KCTD3: variants seen among roughly 807,000 people sequenced by gnomAD.
The protein encoded by KCTD3 is potassium channel tetramerization domain containing 3.
Under a neutral mutation model 85.8 loss-of-function variants are expected in KCTD3, and 41 were observed. The observed-to-expected ratio is 0.48, with a 90% CI of 0.37 to 0.62. The LOEUF is 0.62. Among genes scored for constraint, KCTD3 ranks in the 20% least tolerant of loss-of-function variants. The probability of loss-of-function intolerance (pLI) is 0.00; values close to 1 mark genes in which losing one functional copy is unlikely to be tolerated. For synonymous variants in KCTD3, 338 were observed against 345.4 expected (o/e 0.98, Z 0.24); for missense variants, 724 against 989.9 (o/e 0.73, Z 3.60).
intron 12 of KCTD3, among the ~76,000 whole-genome samples, chr1:215,602,563 AG>A (rs1352765822): frequency 5.9e-5 from 9 of 152,108 alleles, no homozygotes; most frequent in African/African-American, 2.2e-4. Context: ...AAAAATAAAA[AG>A]TTCTTAGACT....
intron 12 of KCTD3, among the ~76,000 whole-genome samples, chr1:215,603,650 C>T (rs796171902): frequency 9.9e-5 from 15 of 152,124 alleles, no homozygotes; most frequent in African/African-American, 3.6e-4. Flanking sequence ...TAATTCTAGG[C>T]TAGACATAAT....
chr1:215,578,186 A>G (rs1284360334), intron 6 of KCTD3, 105 bp downstream of exon 6: 2 of 859,234 alleles, frequency 2.3e-6, no homozygotes, highest in Admixed American at 4.7e-5. Flanking sequence ...TTTTTTGTCT[A>G]TAAATCTATT....
Position 215,618,925 on chromosome 1 carries a change from C to G in KCTD3, c.1602C>G (p.Ser534=), listed in dbSNP as rs1183087172. Residue 534 remains serine (S), a synonymous_variant, in exon 16 of 18, where the codon TCC becomes TCG. Transcript: ENST00000259154. Reference sequence around the variant, plus strand: ...AGGCTGTTGACTGTACTACAATATCCTCATTTACAGTGAGGGAATGTGAGG... The same window carrying G: ...AGGCTGTTGACTGTACTACAATATCGTCATTTACAGTGAGGGAATGTGAGG... ...EIQAVDCTTI[S]SFTVRECEGS... 7 of 1,612,880 alleles carry G rather than the reference C, an allele frequency of 4.3e-6. No individual in the cohort carries two copies. The highest frequency in any genetic ancestry group is 5.9e-6 in the Non-Finnish European group (7 of 1,179,670).
intron 15 of KCTD3, 121 bp downstream of exon 15, chr1:215,612,042 T>C (rs1571899227): frequency 3.1e-6 from 2 of 644,710 alleles, no homozygotes; most frequent in East Asian, 2.7e-5. Flanking sequence ...GGGACAGAAG[T>C]CTGTTATCTC....
intron 13 of KCTD3, 143 bp downstream of exon 13, chr1:215,604,445 C>T (rs1442220434): frequency 1.0e-5 from 7 of 678,346 alleles, no homozygotes; most frequent in Admixed American, 5.9e-5. Flanking sequence ...TTATGATTGT[C>T]TTTTAAAGAT....
At chr1:215,576,218 G>A (rs1349767559) in intron 4 of KCTD3, among the ~76,000 whole-genome samples, 3 of 151,782 alleles carry the variant, frequency 2.0e-5, no homozygotes, top group Non-Finnish European at 4.4e-5. Context: ...GTAGGCACAT[G>A]CCACCATGCC....
intron 1 of KCTD3, 49 bp downstream of exon 1, chr1:215,567,817 C>T (rs1421118578): frequency 8.6e-7 from 1 of 1,159,910 alleles, no homozygotes; most frequent in South Asian, 4.4e-5. Context: ...TGGCGGCCTC[C>T]TCCTTTGGTG....
chr1:215,615,633 AAAAG>A (rs1655412331), intron 15 of KCTD3, among the ~76,000 whole-genome samples: 1 of 152,122 alleles, frequency 6.6e-6, no homozygotes, highest in Non-Finnish European at 1.5e-5. Context: ...AAAAAAAAAA[AAAAG>A]AAATCTGCAT....
chr1:215,584,584 G>GAA (rs1659941600), intron 8 of KCTD3, among the ~76,000 whole-genome samples: 1 of 152,186 alleles, frequency 6.6e-6, no homozygotes, highest in South Asian at 2.1e-4. Context: ...GGGCCTGTCA[G>GAA]AAAGTGACTT....
intron 14 of KCTD3, among the ~76,000 whole-genome samples, chr1:215,610,214 T>C (rs1655175168): frequency 6.6e-6 from 1 of 151,768 alleles, no homozygotes; most frequent in South Asian, 2.1e-4. Flanking sequence ...GTAATAGATA[T>C]TGGAGGTGAC....
At chr1:215,579,850 C>T in intron 7 of KCTD3, 59 bp from the exon 8 acceptor site, 1 of 1,197,930 alleles carries the variant, frequency 8.3e-7, no homozygotes, top group Non-Finnish European at 1.2e-6. Context: ...GGCCTGGTGG[C>T]TGTAATTTGC....
At chr1:215,576,360 C>T (rs551483992) in intron 4 of KCTD3, among the ~76,000 whole-genome samples, 12 of 151,606 alleles carry the variant, frequency 7.9e-5, no homozygotes, top group Non-Finnish European at 1.6e-4. Flanking sequence ...TGAGCCACTA[C>T]GCCCAGCCAG....
At chr1:215,580,568 A>AT (rs569527105) in intron 8 of KCTD3, among the ~76,000 whole-genome samples, 143 of 135,248 alleles carry the variant, frequency 1.1e-3, no homozygotes, top group South Asian at 6.2e-3. Flanking sequence ...TAGACCGGTG[A>AT]TTTTTTTTTT....
intron 8 of KCTD3, among the ~76,000 whole-genome samples, chr1:215,580,457 A>G (rs1482328581): frequency 2.6e-5 from 4 of 152,066 alleles, no homozygotes; most frequent in Non-Finnish European, 5.9e-5. Context: ...TTATTGCACA[A>G]GTGGTATAGT....
At chr1:215,573,052 C>T (rs1036734471) in intron 1 of KCTD3, among the ~76,000 whole-genome samples, 1 of 152,102 alleles carries the variant, frequency 6.6e-6, no homozygotes, top group Admixed American at 6.5e-5. Flanking sequence ...TGGTAAAGAT[C>T]CTCCCTTGGT....
intron 6 of KCTD3, among the ~76,000 whole-genome samples, chr1:215,578,283 G>C (rs1235853102): frequency 6.6e-6 from 1 of 152,100 alleles, no homozygotes; most frequent in African/African-American, 2.4e-5. Context: ...TCTGTAAAGA[G>C]CCAGATAGAT....
Position 215,618,873 on chromosome 1 carries a change from T to C in KCTD3, c.1563-13T>C, listed in dbSNP as rs754439281. On this transcript the variant is annotated splice_polypyrimidine_tract_variant and intron_variant, in intron 15 of 17. Coordinates refer to ENST00000259154, the MANE Select transcript of KCTD3 (RefSeq NM_016121.5). ...TCATTCCCATCAGGGCTCTTTCTGC[T>C]TTTCTTTTGCAGAATATGTGAGATC... The C allele has an allele frequency of 1.9e-6, 3 of 1,566,114 alleles. No individual in the cohort carries two copies. In the African/African-American group the frequency reaches 4.2e-5, roughly 22 times the overall value.
intron 2 of KCTD3, 37 bp downstream of exon 2, chr1:215,573,876 A>G: frequency 1.6e-6 from 2 of 1,252,200 alleles, no homozygotes; most frequent in South Asian, 1.4e-5. Flanking sequence ...ATTTTAATAC[A>G]TTTATTTACC....
At chr1:215,587,178 G>A (rs1299347156) in intron 9 of KCTD3, among the ~76,000 whole-genome samples, 1 of 147,898 alleles carries the variant, frequency 6.8e-6, no homozygotes, top group African/African-American at 2.5e-5. Flanking sequence ...CGCCCAGGCT[G>A]TAGTGCAATG....
Sources: gnomAD v4.1 joint callset for allele counts (sites outside exome capture counted in the v4.1 genomes callset) on GRCh38, gnomAD v4.1.1 for gene constraint, MANE v1.5 for transcripts, NCBI Gene and HGNC (gene_info 2026-07-23, HGNC 2026-07-21) for gene names.